The following ST18 variants were observed in gnomAD, a reference collection of about 807,000 sequenced individuals.
ST18 encodes ST18 C2H2C-type zinc finger transcription factor.
In ST18, 50 loss-of-function variants were observed where a neutral mutation model predicts 110.0. The observed-to-expected ratio is 0.45, with a 90% CI of 0.36 to 0.58. ST18 has a LOEUF of 0.58. Ranked by LOEUF, ST18 falls within the 20% of genes least tolerant of loss-of-function variation. ST18 has a pLI of 0.00. For missense variants in ST18, 1,306 were observed against 1,280.1 expected, an observed-to-expected ratio of 1.02 and a Z score of -0.31; for synonymous variants, 461 against 452.4, an observed-to-expected ratio of 1.02 and a Z score of -0.24.
chr8:52,242,157 T>C (rs1186190477), intron 2 of ST18, among the ~76,000 whole-genome samples: 1 of 152,244 alleles, frequency 6.6e-6, no homozygotes, highest in African/African-American at 2.4e-5. Flanking sequence ...GAGGAAACTA[T>C]ACAAGCATTA....
In ST18 at chr8:52,133,348, G is replaced by T. The variant is rs189909314; in HGVS notation, c.2301-47C>A. 1.0e-3 allele frequency: 1,618 copies of T among 1,608,000 alleles called. 2 individuals are homozygous for T. Among genetic ancestry groups the T allele is most frequent in the Non-Finnish European group, 1.2e-3 (1,441 of 1,174,714 alleles). ...CATGGGCTGAGAAGTTGTAGTTGGG[G>T]GAGTGGGGGTCACACTCAAGTTATT... On this transcript the variant is annotated intron_variant, in intron 19 of 25. Coordinates refer to ENST00000689386, the MANE Select transcript of ST18 (RefSeq NM_001352837.2).
At chr8:52,176,183 G>A (rs1021515740) in intron 9 of ST18, among the ~76,000 whole-genome samples, 6 of 151,874 alleles carry the variant, frequency 4.0e-5, no homozygotes, top group African/African-American at 9.7e-5. Flanking sequence ...CACCGCATCC[G>A]GCTAATATTT....
chr8:52,179,709 A>G (rs2068576175), intron 9 of ST18, among the ~76,000 whole-genome samples: 1 of 152,164 alleles, frequency 6.6e-6, no homozygotes, highest in Non-Finnish European at 1.5e-5. Flanking sequence ...CATCATCACT[A>G]ATGAACATTA....
intron 2 of ST18, among the ~76,000 whole-genome samples, chr8:52,324,054 T>A (rs1194569133): frequency 6.6e-6 from 1 of 152,186 alleles, no homozygotes; most frequent in Admixed American, 6.5e-5. Flanking sequence ...CCCTTGTTCC[T>A]TGGCTATGGC....
intron 2 of ST18, among the ~76,000 whole-genome samples, chr8:52,321,065 T>G (rs57113530): frequency 0.19 from 29,018 of 152,182 alleles, 3,501 homozygotes; most frequent in African/African-American, 0.34. Flanking sequence ...AGTTGCAGAA[T>G]GATCCTTTTA....
chr8:52,142,860 G>T, intron 17 of ST18, 70 bp downstream of exon 17: 1 of 1,170,358 alleles, frequency 8.5e-7, no homozygotes, highest in Non-Finnish European at 1.3e-6. Context: ...CCAGGATATT[G>T]TAACTTTAAG....
intron 8 of ST18, among the ~76,000 whole-genome samples, chr8:52,180,838 C>G (rs1443132655): frequency 1.3e-5 from 2 of 152,158 alleles, no homozygotes; most frequent in African/African-American, 4.8e-5. Context: ...CTATGAACAT[C>G]CTGTCTCCCC....
intron 2 of ST18, chr8:52,404,123 A>G (rs1459477086): frequency 6.6e-6 from 1 of 152,268 alleles, no homozygotes; most frequent in East Asian, 1.9e-4. Flanking sequence ...GTAAACATTT[A>G]TGACAATCTC....
chr8:52,126,278 G>T, intron 22 of ST18, 138 bp from the exon 23 acceptor site: 1 of 807,622 alleles, frequency 1.2e-6, no homozygotes, highest in Non-Finnish European at 1.9e-6. Context: ...TTTGTAGAGA[G>T]TAATGAATAC....
At chr8:52,389,674 C>A (rs1337376415) in intron 2 of ST18, among the ~76,000 whole-genome samples, 1 of 152,194 alleles carries the variant, frequency 6.6e-6, no homozygotes, top group Non-Finnish European at 1.5e-5. Flanking sequence ...TCTGCATACA[C>A]CACCAGTGCA....
Position 52,214,207 on chromosome 8 carries a change from G to A in ST18, c.51C>T (p.Thr17=), listed in dbSNP as rs147519154. 1.2e-4 allele frequency: 191 copies of A among 1,613,940 alleles called. No homozygotes were observed. The highest frequency in any genetic ancestry group is 5.7e-4 in the Admixed American group (34 of 60,014). The part of the protein sequence containing the change: ...DKTLRTRSKG[T]EVPMDSLIQE... ...AGAACCTGCTTGCTAACTCACCCTC[G>A]GTTCCTTTAGAGCGAGTACGCAGCG... The change falls in exon 7 of 26, where the codon ACC becomes ACT. Residue 17 remains threonine, a synonymous_variant. Coordinates refer to ENST00000689386, the MANE Select transcript of ST18 (RefSeq NM_001352837.2).
chr8:52,222,549 T>G (rs1385824761), intron 3 of ST18, among the ~76,000 whole-genome samples: 1 of 152,140 alleles, frequency 6.6e-6, no homozygotes, highest in Non-Finnish European at 1.5e-5. Flanking sequence ...ACTTTAGAAA[T>G]ATGATTTGAC....
At chr8:52,171,032 GA>G (rs930571096) in intron 10 of ST18, among the ~76,000 whole-genome samples, 1 of 151,982 alleles carries the variant, frequency 6.6e-6, no homozygotes, top group African/African-American at 2.4e-5. Context: ...GAAACTTAGA[GA>G]AAAAAATGCA....
chr8:52,323,308 A>C (rs1250022784), intron 2 of ST18, among the ~76,000 whole-genome samples: 1 of 152,222 alleles, frequency 6.6e-6, no homozygotes, highest in Non-Finnish European at 1.5e-5. Context: ...TTTAATTTGA[A>C]ATACATGTGA....
In ST18 at chr8:52,111,020, T is replaced by A; in HGVS notation, c.*2178A>T. ...CAAAAGACCCAATTTACAGTATTGATCATTAACATAGTTGAAAAGAAAACA... is the reference window on the plus strand; with the variant it reads ...CAAAAGACCCAATTTACAGTATTGAACATTAACATAGTTGAAAAGAAAACA... On this transcript the variant is annotated 3_prime_UTR_variant, in exon 26 of 26. Coordinates refer to ENST00000689386, the MANE Select transcript of ST18 (RefSeq NM_001352837.2). The A allele has an allele frequency of 2.5e-6, 1 of 398,776 alleles. No homozygotes were observed. 24.7% of individuals were successfully genotyped at this position (398,776 alleles called of 1,614,324 possible).
chr8:52,223,966 A>T (rs1008328770), intron 3 of ST18, among the ~76,000 whole-genome samples: 1 of 152,092 alleles, frequency 6.6e-6, no homozygotes, highest in African/African-American at 2.4e-5. Context: ...TAAACATAAA[A>T]ATTTTAGCAC....
At chr8:52,396,305 C>T (rs150398776) in intron 2 of ST18, among the ~76,000 whole-genome samples, 140 of 152,232 alleles carry the variant, frequency 9.2e-4, no homozygotes, top group African/African-American at 3.3e-3. Context: ...CACCCTCACC[C>T]CTAGTAACCA....
At chr8:52,152,255 C>G (rs373396430) in intron 15 of ST18, among the ~76,000 whole-genome samples, 1 of 152,092 alleles carries the variant, frequency 6.6e-6, no homozygotes, top group Non-Finnish European at 1.5e-5. Flanking sequence ...CATAGATAGG[C>G]GATCACACGT....
chr8:52,176,108 G>A (rs1036792813), intron 9 of ST18, among the ~76,000 whole-genome samples: 2 of 151,214 alleles, frequency 1.3e-5, no homozygotes, highest in Non-Finnish European at 2.9e-5. Context: ...TGCAACCTCC[G>A]CCTCCCAGGT....
Sources: allele counts gnomAD v4.1 joint callset (sites outside exome capture counted in the v4.1 genomes callset), GRCh38; gene constraint gnomAD v4.1.1; transcripts MANE v1.5; gene names NCBI Gene and HGNC (gene_info 2026-07-23, HGNC 2026-07-21).